Variants in ATG3 observed in about 807,000 individuals in gnomAD.
The protein encoded by ATG3 is autophagy related 3.
In ATG3, 25 loss-of-function variants were observed where a neutral mutation model predicts 50.7. The ratio of observed to expected loss-of-function variants is 0.49; its 90% CI spans 0.36 to 0.69. ATG3 has a LOEUF of 0.69. Among genes scored for constraint, ATG3 ranks in the 30% least tolerant of loss-of-function variants. The pLI, the probability that ATG3 is intolerant of heterozygous loss-of-function variation, is 0.00. For missense variants in ATG3, 281 were observed against 376.0 expected (o/e 0.75, Z 2.09); for synonymous variants, 119 against 125.5 (o/e 0.95, Z 0.34).
intron 2 of ATG3, among the ~76,000 whole-genome samples, chr3:112,555,528 CTT>C (rs1325586710): frequency 1.3e-5 from 2 of 152,080 alleles, no homozygotes; most frequent in Non-Finnish European, 2.9e-5. Flanking sequence ...TTAGTTTTTT[CTT>C]TGTTTTTTGA....
At chr3:112,557,241 C>T (rs933115431) in intron 2 of ATG3, among the ~76,000 whole-genome samples, 5 of 151,934 alleles carry the variant, frequency 3.3e-5, no homozygotes, top group South Asian at 2.1e-4. Flanking sequence ...TTAGTAGAGA[C>T]GGGGTTTCGC....
chr3:112,557,546 A>C (rs998597201), intron 2 of ATG3, among the ~76,000 whole-genome samples: 13 of 152,300 alleles, frequency 8.5e-5, no homozygotes, highest in Non-Finnish European at 1.8e-4. Flanking sequence ...TGAACCCAGG[A>C]GGCAGAGGCT....
At chr3:112,557,402 G>A (rs1297939065) in intron 2 of ATG3, among the ~76,000 whole-genome samples, 2 of 152,160 alleles carry the variant, frequency 1.3e-5, no homozygotes, top group Non-Finnish European at 2.9e-5. Flanking sequence ...GGCGGATCAC[G>A]AGGTCAAGAG....
chr3:112,557,914 G>C (rs552291634), intron 2 of ATG3, among the ~76,000 whole-genome samples: 1 of 152,084 alleles, frequency 6.6e-6, no homozygotes, highest in South Asian at 2.1e-4. Flanking sequence ...AGCCTGAAAA[G>C]GTTTTTAGCC....
In ATG3 at chr3:112,561,852, C is replaced by A; in HGVS notation, c.-324G>T. On this transcript the variant is annotated 5_prime_UTR_variant, in exon 1 of 12. Coordinates refer to ENST00000283290, the MANE Select transcript of ATG3 (RefSeq NM_022488.5). Reference sequence around the variant, plus strand: ...GAAGCGGACGCACACGCACCCCTCGCCCTCTGCGAGCTGTCTGTCCTCGCT... The same window carrying A: ...GAAGCGGACGCACACGCACCCCTCGACCTCTGCGAGCTGTCTGTCCTCGCT... 1 of 356,282 alleles carries A rather than the reference C, an allele frequency of 2.8e-6. No individual in the cohort carries two copies. Among genetic ancestry groups the A allele is most frequent in the Non-Finnish European group, 5.1e-6 (1 of 195,384 alleles). The allele number at this position is 356,282 out of a possible 1,614,324, so 22.1% of individuals were successfully genotyped here. A position where few individuals can be genotyped will look rare whatever the true frequency, so the allele number is the denominator to read the frequency against.
chr3:112,532,876 C>CA (rs1024690377), intron 11 of ATG3, 96 bp from the exon 12 acceptor site: 145 of 1,331,258 alleles, frequency 1.1e-4, no homozygotes, highest in Non-Finnish European at 1.2e-4. Flanking sequence ...ATTAATTTCT[C>CA]AAAAAAACCC....
intron 2 of ATG3, among the ~76,000 whole-genome samples, chr3:112,554,064 A>G (rs6792947): frequency 6.6e-6 from 1 of 152,074 alleles, no homozygotes; most frequent in South Asian, 2.1e-4. Flanking sequence ...ATAAACTTTA[A>G]CCATTTGAGA....
At chr3:112,549,072 G>C (rs529695653) in intron 4 of ATG3, among the ~76,000 whole-genome samples, 29 of 152,292 alleles carry the variant, frequency 1.9e-4, no homozygotes, top group African/African-American at 6.7e-4. Context: ...CAAGGCTAAA[G>C]TAACTTTCAA....
intron 6 of ATG3, among the ~76,000 whole-genome samples, chr3:112,543,149 T>C (rs994379199): frequency 1.3e-5 from 2 of 152,076 alleles, no homozygotes; most frequent in Non-Finnish European, 2.9e-5. Context: ...ACACAAAGAA[T>C]ATCTTTAGTA....
intron 2 of ATG3, chr3:112,558,114 CA>C (rs1266162657): frequency 2.2e-6 from 1 of 445,592 alleles, no homozygotes; most frequent in East Asian, 4.1e-5. Flanking sequence ...GGATAAGTGA[CA>C]TAGGACTCAT....
intron 9 of ATG3, 136 bp from the exon 10 acceptor site, chr3:112,536,738 G>A (rs1576713548): frequency 3.7e-6 from 3 of 819,930 alleles, no homozygotes; most frequent in South Asian, 3.5e-5. Flanking sequence ...TGGCTAACAT[G>A]GTGAAACACC....
At position 112,533,380 on chromosome 3, in the gene ATG3, AC is replaced by A. The variant is rs1054881674; in HGVS notation, c.864-601del. On this transcript the variant is annotated intron_variant, in intron 11 of 11. Coordinates refer to ENST00000283290, the MANE Select transcript of ATG3 (RefSeq NM_022488.5). Reference sequence around the variant, plus strand: ...TATATAGACAGTCTTCCAAGTTGCTACCTAGCATCCAGCAGAGATGTGCCAG... The same window carrying A: ...TATATAGACAGTCTTCCAAGTTGCTACTAGCATCCAGCAGAGATGTGCCAG... 4.8e-5 allele frequency: 47 copies of A among 985,094 alleles called. No individual in the cohort carries two copies. The African/African-American group carries it at 7.5e-4, about 16-fold the overall frequency. 61.0% of individuals were successfully genotyped at this position (985,094 alleles called of 1,614,324 possible). A position where few individuals can be genotyped will look rare whatever the true frequency, so the allele number is the denominator to read the frequency against.
intron 5 of ATG3, among the ~76,000 whole-genome samples, chr3:112,546,470 A>T (rs1342535352): frequency 6.6e-6 from 1 of 152,240 alleles, no homozygotes; most frequent in African/African-American, 2.4e-5. Flanking sequence ...GACAAAAATT[A>T]AAACTGATGA....
At chr3:112,534,024 T>C in intron 11 of ATG3, 1 of 1,222,038 alleles carries the variant, frequency 8.2e-7, no homozygotes, top group East Asian at 3.3e-5. Context: ...TATTCTAAAT[T>C]AGTAGTTACC....
intron 6 of ATG3, 57 bp downstream of exon 6, chr3:112,544,000 G>C (rs1344191693): frequency 3.1e-6 from 4 of 1,310,340 alleles, no homozygotes; most frequent in Non-Finnish European, 3.3e-6. Flanking sequence ...TGTATAGATA[G>C]ATAGATAGGC....
chr3:112,538,055 T>C (rs1481992467), intron 8 of ATG3, 91 bp downstream of exon 8: 32 of 1,245,790 alleles, frequency 2.6e-5, no homozygotes, highest in Non-Finnish European at 1.1e-6. Context: ...CAAATTAGAA[T>C]GTCTTTGAAA....
At chr3:112,538,211 A>C in intron 7 of ATG3, 31 bp from the exon 8 acceptor site, 2 of 1,497,634 alleles carry the variant, frequency 1.3e-6, no homozygotes, top group South Asian at 2.5e-5. Flanking sequence ...AAGATTAATC[A>C]AGTTCAAGTT....
At chr3:112,541,114 C>T (rs1449985711) in intron 7 of ATG3, among the ~76,000 whole-genome samples, 1 of 152,036 alleles carries the variant, frequency 6.6e-6, no homozygotes, top group Admixed American at 6.6e-5. Flanking sequence ...ATTAGCCAAG[C>T]ACAGTGGCTC....
Position 112,532,536 on chromosome 3 carries a change from A to G in ATG3, c.*163T>C. 2.3e-6 allele frequency: 1 copy of G among 436,016 alleles called. No homozygotes were observed. Among genetic ancestry groups the G allele is most frequent in the South Asian group, 7.9e-5 (1 of 12,698 alleles). The allele number at this position is 436,016 out of a possible 1,614,324, so 27.0% of individuals were successfully genotyped here. A position where few individuals can be genotyped will look rare whatever the true frequency, so the allele number is the denominator to read the frequency against. ...CTCTTTGCACTGATTTTTATTAAACAAGTAAGGCTGGTAGTGGAACATATT... is the reference window on the plus strand; with the variant it reads ...CTCTTTGCACTGATTTTTATTAAACGAGTAAGGCTGGTAGTGGAACATATT... On this transcript the variant is annotated 3_prime_UTR_variant, in exon 12 of 12. Coordinates refer to ENST00000283290, the MANE Select transcript of ATG3 (RefSeq NM_022488.5).
Sources: allele counts gnomAD v4.1 joint callset (sites outside exome capture counted in the v4.1 genomes callset), GRCh38; gene constraint gnomAD v4.1.1; transcripts MANE v1.5; gene names NCBI Gene and HGNC (gene_info 2026-07-23, HGNC 2026-07-21).